PLXNC1: variants seen among roughly 807,000 people sequenced by gnomAD.
PLXNC1 encodes plexin-C1.
Under a neutral mutation model 178.2 loss-of-function variants are expected in PLXNC1, and 75 were observed. The observed-to-expected ratio is 0.42, with a 90% CI of 0.35 to 0.51. The LOEUF is 0.51. Among genes scored for constraint, PLXNC1 ranks in the 20% least tolerant of loss-of-function variants. The pLI is 0.02. For synonymous variants in PLXNC1, 790 were observed against 779.9 expected, an observed-to-expected ratio of 1.01 and a Z score of -0.22; for missense variants, 1,503 against 1,984.4, an observed-to-expected ratio of 0.76 and a Z score of 4.61.
intron 5 of PLXNC1, among the ~76,000 whole-genome samples, chr12:94,212,273 CAAAAAAAAAAAAA>C (rs146191533): frequency 1.1e-5 from 1 of 89,158 alleles, no homozygotes; most frequent in Non-Finnish European, 2.1e-5. Flanking sequence ...GACTCCGTCT[CAAAAAAAAAAAAA>C]AAAAAAAAAA....
intron 5 of PLXNC1, among the ~76,000 whole-genome samples, chr12:94,210,500 T>C (rs545586453): frequency 1.3e-5 from 2 of 152,344 alleles, no homozygotes; most frequent in South Asian, 2.1e-4. Context: ...CCAGCTGACC[T>C]GTCTGTTGAG....
At chr12:94,152,680 G>A (rs577368302) in intron 1 of PLXNC1, among the ~76,000 whole-genome samples, 2 of 152,324 alleles carry the variant, frequency 1.3e-5, no homozygotes, top group East Asian at 3.9e-4. Flanking sequence ...GTAATCCACA[G>A]GCTGCAAGGC....
chr12:94,211,896 A>C (rs1266701843), intron 5 of PLXNC1, among the ~76,000 whole-genome samples: 2 of 152,264 alleles, frequency 1.3e-5, no homozygotes, highest in African/African-American at 4.8e-5. Context: ...AAAAATATAG[A>C]AGAATTCAAA....
chr12:94,168,535 A>G (rs1961715379), intron 1 of PLXNC1, among the ~76,000 whole-genome samples: 1 of 152,188 alleles, frequency 6.6e-6, no homozygotes, highest in South Asian at 2.1e-4. Context: ...CATCAGCACC[A>G]GGGCCAGCCC....
chr12:94,207,835 GT>G (rs1187912928), intron 4 of PLXNC1, among the ~76,000 whole-genome samples: 3 of 151,968 alleles, frequency 2.0e-5, no homozygotes, highest in Non-Finnish European at 4.4e-5. Flanking sequence ...TTTTACACTT[GT>G]TTTTTTGGCA....
chr12:94,264,749 T>C (rs1965140583), intron 20 of PLXNC1, among the ~76,000 whole-genome samples: 1 of 152,274 alleles, frequency 6.6e-6, no homozygotes, highest in African/African-American at 2.4e-5. Flanking sequence ...CACATCTAAC[T>C]GTTCCTAGGC....
chr12:94,242,256 T>C (rs1259401879), intron 11 of PLXNC1, among the ~76,000 whole-genome samples: 1 of 151,824 alleles, frequency 6.6e-6, no homozygotes, highest in African/African-American at 2.4e-5. Flanking sequence ...CTTCTCTCTA[T>C]GTCTTCACGT....
intron 11 of PLXNC1, among the ~76,000 whole-genome samples, chr12:94,242,302 ATTTTTTTT>A (rs59056862): frequency 2.1e-5 from 2 of 97,376 alleles, no homozygotes; most frequent in African/African-American, 4.4e-5. Context: ...AATCTCCCCA[ATTTTTTTT>A]TTTTTTTTTT....
chr12:94,200,035 C>G (rs746510348), intron 4 of PLXNC1, among the ~76,000 whole-genome samples: 1 of 152,120 alleles, frequency 6.6e-6, no homozygotes, highest in Non-Finnish European at 1.5e-5. Context: ...CCTCGTGATC[C>G]CCCTACCTTG....
At chr12:94,303,099 A>T (rs998935753) in intron 28 of PLXNC1, among the ~76,000 whole-genome samples, 6 of 152,240 alleles carry the variant, frequency 3.9e-5, no homozygotes, top group African/African-American at 9.6e-5. Flanking sequence ...AATGATTTTT[A>T]AAAATAAAAT....
Position 94,169,178 on chromosome 12 carries a change from T to A in PLXNC1, c.1088T>A (p.Val363Asp). ...HCKEGDQPER[V>D]QPIASSTLIH... ...AAAGAAGGGGATCAACCTGAAAGAG[T>A]CCAACCAATCGCATCATCTACCTTG... is the stretch of plus-strand genomic sequence containing the variant. Residue 363 changes from valine to aspartate, a missense_variant, in exon 2 of 31, where the codon GTC (valine) becomes GAC (aspartate). By Grantham distance (152) the Val-to-Asp change is radical. Transcript: ENST00000258526. The A allele has an allele frequency of 6.2e-7, 1 of 1,613,850 alleles. No homozygotes were observed. Among genetic ancestry groups the A allele is most frequent in the Non-Finnish European group, 8.5e-7 (1 of 1,179,856 alleles).
chr12:94,240,625 C>T lies in PLXNC1; in HGVS notation c.2261C>T (p.Pro754Leu), dbSNP rs1370318869. 1.2e-6 allele frequency: 2 copies of T among 1,613,776 alleles called. No homozygotes were observed. The highest frequency in any genetic ancestry group is 1.7e-5 in the Admixed American group (1 of 60,000). The change falls in exon 11 of 31, where the codon CCA becomes CTA. Residue 754 changes from proline to leucine, a missense_variant. Coordinates refer to ENST00000258526, the MANE Select transcript of PLXNC1 (RefSeq NM_005761.3). ...SVGSLSYIALPHCSLIFPATT... is the reference protein window; with the variant it reads ...SVGSLSYIALLHCSLIFPATT... ...GGATCCTTATCCTACATTGCTCTGCCACATTGTTCCCTTATATTTCCTGCT... is the reference window on the plus strand; with the variant it reads ...GGATCCTTATCCTACATTGCTCTGCTACATTGTTCCCTTATATTTCCTGCT...
chr12:94,292,567 G>A (rs1405325273), intron 23 of PLXNC1, among the ~76,000 whole-genome samples: 2 of 152,192 alleles, frequency 1.3e-5, no homozygotes, highest in African/African-American at 4.8e-5. Flanking sequence ...GGAACCACAA[G>A]TATTTCAGAT....
chr12:94,208,814 A>G (rs1357562569), intron 4 of PLXNC1, among the ~76,000 whole-genome samples: 1 of 152,220 alleles, frequency 6.6e-6, no homozygotes, highest in Non-Finnish European at 1.5e-5. Flanking sequence ...TTCCCAAGTT[A>G]GTGTGACCTA....
At chr12:94,153,531 C>T (rs1356133772) in intron 1 of PLXNC1, among the ~76,000 whole-genome samples, 1 of 152,220 alleles carries the variant, frequency 6.6e-6, no homozygotes, top group African/African-American at 2.4e-5. Context: ...CCCTGGCACA[C>T]CAACGTGATA....
chr12:94,284,673 G>A, intron 23 of PLXNC1, among the ~76,000 whole-genome samples: 1 of 152,086 alleles, frequency 6.6e-6, no homozygotes, highest in Non-Finnish European at 1.5e-5. Flanking sequence ...CAGCTAGTCA[G>A]TGGCAGGGCC....
At position 94,302,495 on chromosome 12, in the gene PLXNC1, T is replaced by C. The variant is rs1222322523; in HGVS notation, c.4387-1261T>C. Among the ~76,000 whole-genome samples, 4 of 152,238 alleles carry C rather than the reference T, an allele frequency of 2.6e-5. No individual in the cohort carries two copies. In the East Asian group the frequency reaches 7.7e-4, roughly 29 times the overall value. ...TATATTTCCTACAGCACTTTCTTCA[T>C]TTGACTAATAAAGTTCATCTTAGCA... is the stretch of plus-strand genomic sequence containing the variant. On this transcript the variant is annotated intron_variant, in intron 28 of 30. Coordinates refer to ENST00000258526, the MANE Select transcript of PLXNC1 (RefSeq NM_005761.3).
At chr12:94,159,621 G>C (rs1197073900) in intron 1 of PLXNC1, among the ~76,000 whole-genome samples, 1 of 152,228 alleles carries the variant, frequency 6.6e-6, no homozygotes, top group Non-Finnish European at 1.5e-5. Flanking sequence ...GAAGGAAGCA[G>C]CAGGCCCAGC....
At chr12:94,229,533 T>A (rs1964033176) in intron 9 of PLXNC1, among the ~76,000 whole-genome samples, 1 of 152,240 alleles carries the variant, frequency 6.6e-6, no homozygotes, top group Non-Finnish European at 1.5e-5. Flanking sequence ...TCTGTAGCAC[T>A]TATATTTTGG....
Sources: gnomAD v4.1 joint callset for allele counts (sites outside exome capture counted in the v4.1 genomes callset) on GRCh38, gnomAD v4.1.1 for gene constraint, MANE v1.5 for transcripts, NCBI Gene and HGNC (gene_info 2026-07-23, HGNC 2026-07-21) for gene names.